The following ANKRD45 variants were observed in gnomAD, a reference collection of about 807,000 sequenced individuals.
The protein encoded by ANKRD45 is ankyrin repeat domain 45.
Under a neutral mutation model 28.1 loss-of-function variants are expected in ANKRD45, and 21 were observed. That is an observed-to-expected ratio of 0.75 (90% confidence interval 0.53 to 1.08). The LOEUF is 1.08. ANKRD45 is among the 50% of genes least tolerant of loss of function. The pLI, the probability that ANKRD45 is intolerant of heterozygous loss-of-function variation, is 0.00. For synonymous variants in ANKRD45, 86 were observed against 103.9 expected (o/e 0.83, Z 1.05); for missense variants, 261 against 308.7 (o/e 0.85, Z 1.16).
intron 2 of ANKRD45, among the ~76,000 whole-genome samples, chr1:173,650,839 A>C (rs984527049): frequency 3.3e-5 from 5 of 152,242 alleles, no homozygotes; most frequent in African/African-American, 4.8e-5. Context: ...CATTTCTCTG[A>C]TGACCAACAA....
chr1:173,695,676 G>A, the ANKRD45 span, among the ~76,000 whole-genome samples: 1 of 152,170 alleles, frequency 6.6e-6, no homozygotes. Flanking sequence ...GAGTGTGTGT[G>A]TCTTTTTGGC....
At chr1:173,684,992 G>A in the ANKRD45 span, among the ~76,000 whole-genome samples, 1 of 152,158 alleles carries the variant, frequency 6.6e-6, no homozygotes, top group Non-Finnish European at 1.5e-5. Context: ...GACTTTAATT[G>A]TGTCTAAATA....
chr1:173,659,485 ATTTG>A lies in ANKRD45; in HGVS notation c.-15-56_-15-53del. On this transcript the variant is annotated intron_variant, in intron 1 of 5. Coordinates refer to ENST00000333279, the MANE Select transcript of ANKRD45 (RefSeq NM_198493.3). ...TAAAAATCTACTCAAACACATCAGT[ATTTG>A]TTTATTTATTTGCTCAGTCAACTGA... The A allele has an allele frequency of 8.4e-6, 12 of 1,422,712 alleles. No homozygotes were observed. In the South Asian group the frequency reaches 1.6e-4, roughly 18 times the overall value. 88.1% of individuals were successfully genotyped at this position (1,422,712 alleles called of 1,614,324 possible).
chr1:173,639,641 C>A (rs1044142058), intron 3 of ANKRD45, among the ~76,000 whole-genome samples: 1 of 152,126 alleles, frequency 6.6e-6, no homozygotes, highest in Non-Finnish European at 1.5e-5. Context: ...AGAAAACCAA[C>A]AAACAAGTCA....
intron 3 of ANKRD45, among the ~76,000 whole-genome samples, chr1:173,631,307 G>A (rs2102333470): frequency 6.6e-6 from 1 of 152,192 alleles, no homozygotes; most frequent in South Asian, 2.1e-4. Context: ...CAACGCTGGA[G>A]CACCCAGATA....
chr1:173,669,246 G>C (rs1670150479), intron 1 of ANKRD45, among the ~76,000 whole-genome samples: 1 of 152,188 alleles, frequency 6.6e-6, no homozygotes, highest in Non-Finnish European at 1.5e-5. Context: ...AACCTCGATA[G>C]TGAAGAGTAG....
intron 1 of ANKRD45, among the ~76,000 whole-genome samples, chr1:173,666,650 T>C (rs1670031947): frequency 6.6e-6 from 1 of 152,204 alleles, no homozygotes; most frequent in Non-Finnish European, 1.5e-5. Context: ...CCATGTTTTT[T>C]CAAAAAATTT....
chr1:173,640,802 C>T (rs899624142), intron 3 of ANKRD45, among the ~76,000 whole-genome samples: 3 of 152,184 alleles, frequency 2.0e-5, no homozygotes, highest in African/African-American at 7.2e-5. Flanking sequence ...GCCTGGCAAC[C>T]TTGCAGTAGC....
At chr1:173,614,279 T>TAAATA (rs778291938) in intron 5 of ANKRD45, among the ~76,000 whole-genome samples, 15 of 150,158 alleles carry the variant, frequency 1.0e-4, no homozygotes, top group African/African-American at 1.9e-4. Context: ...AAAAAAAAAA[T>TAAATA]AAATAAAATA....
chr1:173,692,181 A>G, the ANKRD45 span, among the ~76,000 whole-genome samples: 21 of 152,368 alleles, frequency 1.4e-4, no homozygotes, highest in South Asian at 4.3e-3. Context: ...GTTTAAAAGT[A>G]GAAGGCAAAG....
At chr1:173,661,488 T>C (rs1267292918) in intron 1 of ANKRD45, among the ~76,000 whole-genome samples, 18 of 152,202 alleles carry the variant, frequency 1.2e-4, no homozygotes. Context: ...AAGTCTGAAC[T>C]TGATTCTGTA....
chr1:173,639,496 G>A (rs1169333691), intron 3 of ANKRD45, among the ~76,000 whole-genome samples: 1 of 152,144 alleles, frequency 6.6e-6, no homozygotes, highest in Non-Finnish European at 1.5e-5. Context: ...AAGGAAAATG[G>A]ATACTACCAG....
intron 5 of ANKRD45, among the ~76,000 whole-genome samples, chr1:173,615,879 G>A (rs531614123): frequency 5.9e-5 from 9 of 152,152 alleles, no homozygotes; most frequent in Admixed American, 2.6e-4. Context: ...AGAGGCAGGC[G>A]GATCACAAGG....
At chr1:173,693,889 T>C in the ANKRD45 span, among the ~76,000 whole-genome samples, 1 of 152,336 alleles carries the variant, frequency 6.6e-6, no homozygotes, top group African/African-American at 2.4e-5. Flanking sequence ...CAGTAACTTT[T>C]ATTTTTAATA....
At chr1:173,698,329 C>T in the ANKRD45 span, among the ~76,000 whole-genome samples, 1 of 152,146 alleles carries the variant, frequency 6.6e-6, no homozygotes, top group Admixed American at 6.5e-5. Flanking sequence ...ACCTAATAGA[C>T]ATCTACAGAA....
the ANKRD45 span, among the ~76,000 whole-genome samples, chr1:173,680,048 G>A: frequency 6.6e-6 from 1 of 152,216 alleles, no homozygotes; most frequent in Non-Finnish European, 1.5e-5. Context: ...AACAGATGCT[G>A]GAGAGGATGT....
intron 5 of ANKRD45, among the ~76,000 whole-genome samples, chr1:173,611,103 C>T (rs937222413): frequency 6.6e-6 from 1 of 152,198 alleles, no homozygotes; most frequent in Non-Finnish European, 1.5e-5. Flanking sequence ...TACATTTCTA[C>T]TGTACCTTGA....
chr1:173,698,311 C>A, the ANKRD45 span, among the ~76,000 whole-genome samples: 108 of 152,284 alleles, frequency 7.1e-4, 1 homozygote, highest in African/African-American at 2.4e-3. Flanking sequence ...CAGCTCTGCA[C>A]CAATCAGACC....
At chr1:173,673,553 C>T (rs1366618522), upstream of ANKRD45, among the ~76,000 whole-genome samples, 1 of 152,116 alleles carries the variant, frequency 6.6e-6, no homozygotes, top group Admixed American at 6.5e-5. Context: ...CTATTATATG[C>T]TGAGTACTGT....
Sources: gnomAD v4.1 joint callset for allele counts (sites outside exome capture counted in the v4.1 genomes callset) on GRCh38, gnomAD v4.1.1 for gene constraint, MANE v1.5 for transcripts, NCBI Gene and HGNC (gene_info 2026-07-23, HGNC 2026-07-21) for gene names.